The following ORC4 variants were observed in gnomAD, a reference collection of about 807,000 sequenced individuals.
ORC4 encodes the protein origin recognition complex, subunit 4 homolog.
ORC4 carries 55 observed loss-of-function variants against 63.9 expected under a neutral mutation model. The ratio of observed to expected loss-of-function variants is 0.86; its 90% CI spans 0.69 to 1.08. The LOEUF (loss-of-function observed/expected upper bound fraction) is 1.08, where lower values mean the gene tolerates loss of function less well. ORC4 is among the 50% of genes least tolerant of loss of function. The probability of loss-of-function intolerance (pLI) is 0.00; values close to 1 mark genes in which losing one functional copy is unlikely to be tolerated. For missense variants in ORC4, 511 were observed against 504.4 expected (o/e 1.01, Z -0.13); for synonymous variants, 150 against 168.5 (o/e 0.89, Z 0.85).
chr2:147,960,813 C>T (rs1294472673), intron 4 of ORC4, among the ~76,000 whole-genome samples: 1 of 152,112 alleles, frequency 6.6e-6, no homozygotes, highest in Non-Finnish European at 1.5e-5. Flanking sequence ...TGCCTGAGCC[C>T]AGGAGGTTGA....
chr2:147,972,956 G>T (rs1200426812), intron 3 of ORC4, 127 bp from the exon 4 acceptor site: 6 of 655,514 alleles, frequency 9.2e-6, no homozygotes, highest in Non-Finnish European at 1.7e-5. Flanking sequence ...TGGGTACTTG[G>T]CCTAGCTTCT....
At chr2:147,958,982 G>GT (rs1283157176) in intron 4 of ORC4, 116 bp from the exon 5 acceptor site, 1 of 574,466 alleles carries the variant, frequency 1.7e-6, no homozygotes, top group Non-Finnish European at 3.1e-6. Flanking sequence ...TCTTTAACAA[G>GT]TAAGTTTTCA....
chr2:148,011,377 T>A (rs981268051), intron 1 of ORC4, among the ~76,000 whole-genome samples: 1 of 152,188 alleles, frequency 6.6e-6, no homozygotes. Context: ...ACAAAGTGTA[T>A]TGTCATTTCA....
Position 147,935,522 on chromosome 2 carries a change from TAGTG to T in ORC4, c.1295_1298del (p.Ser432Ter). ...TCACTGGTTATATTCATAACCAGCTTAGTGAGGATGTTGCCCACTGCCTCACATC... is the reference window on the plus strand; with the variant it reads ...TCACTGGTTATATTCATAACCAGCTTAGGATGTTGCCCACTGCCTCACATC... On this transcript the variant is annotated frameshift_variant, in exon 14 of 14. Coordinates refer to ENST00000392857, the MANE Select transcript of ORC4 (RefSeq NM_181741.4). LOFTEE classifies it high-confidence loss of function. 1 of 1,612,944 alleles carries T rather than the reference TAGTG, an allele frequency of 6.2e-7. No homozygotes were observed. Among genetic ancestry groups the T allele is most frequent in the Non-Finnish European group, 8.5e-7 (1 of 1,178,992 alleles).
At position 147,935,476 on chromosome 2, in the gene ORC4, A is replaced by C. The variant is rs1687997509; in HGVS notation, c.*34T>G. ...GTTTTCCGTTCTCTACAGAAGTATG[A>C]ATGAAATGCCAAAGTTGAAGTCACT... On this transcript the variant is annotated 3_prime_UTR_variant, in exon 14 of 14. Coordinates refer to ENST00000392857, the MANE Select transcript of ORC4 (RefSeq NM_181741.4). 3.3e-6 allele frequency: 5 copies of C among 1,520,034 alleles called. No homozygotes were observed. Among genetic ancestry groups the C allele is most frequent in the South Asian group, 2.2e-5 (2 of 89,030 alleles). 94.2% of individuals were successfully genotyped at this position (1,520,034 alleles called of 1,614,324 possible).
intron 1 of ORC4, among the ~76,000 whole-genome samples, chr2:148,010,764 A>G (rs571122790): frequency 1.3e-5 from 2 of 152,234 alleles, no homozygotes; most frequent in South Asian, 2.1e-4. Flanking sequence ...AAACATTTAA[A>G]GAAGAACTAA....
At chr2:147,950,942 G>C (rs991532818) in intron 8 of ORC4, among the ~76,000 whole-genome samples, 1 of 140,316 alleles carries the variant, frequency 7.1e-6, no homozygotes, top group African/African-American at 2.5e-5. Flanking sequence ...CCCAAAGGAA[G>C]ATTTTTTTTT....
intron 10 of ORC4, among the ~76,000 whole-genome samples, chr2:147,939,735 C>G (rs2105261342): frequency 6.6e-6 from 1 of 152,198 alleles, no homozygotes; most frequent in South Asian, 2.1e-4. Flanking sequence ...CATTTATACT[C>G]AGGAATAACT....
chr2:147,940,071 G>T (rs1321987548), intron 10 of ORC4, among the ~76,000 whole-genome samples: 1 of 152,124 alleles, frequency 6.6e-6, no homozygotes, highest in African/African-American at 2.4e-5. Flanking sequence ...AGAGAGTTTG[G>T]CAATCCTTGT....
chr2:147,981,614 T>C (rs759830983), intron 1 of ORC4, among the ~76,000 whole-genome samples: 5 of 152,196 alleles, frequency 3.3e-5, no homozygotes, highest in Non-Finnish European at 5.9e-5. Context: ...GATATATTAA[T>C]AGGCTTAATT....
intron 8 of ORC4, among the ~76,000 whole-genome samples, chr2:147,949,875 AT>A (rs1261099112): frequency 6.6e-6 from 1 of 152,148 alleles, no homozygotes; most frequent in Non-Finnish European, 1.5e-5. Flanking sequence ...TGTTATAAAG[AT>A]TTTTAAAAGG....
chr2:147,975,812 A>G, intron 2 of ORC4, 90 bp downstream of exon 2: 2 of 829,954 alleles, frequency 2.4e-6, no homozygotes, highest in Non-Finnish European at 4.2e-6. Flanking sequence ...CCTAAATGCT[A>G]AAGGGAAAAT....
chr2:147,943,860 T>A (rs564942656), intron 9 of ORC4, among the ~76,000 whole-genome samples: 2 of 152,154 alleles, frequency 1.3e-5, no homozygotes, highest in Non-Finnish European at 2.9e-5. Flanking sequence ...CATGAGTTAC[T>A]GTACCTAGGG....
At chr2:147,942,885 C>T (rs1228705722) in intron 10 of ORC4, among the ~76,000 whole-genome samples, 3 of 151,978 alleles carry the variant, frequency 2.0e-5, no homozygotes, top group Non-Finnish European at 4.4e-5. Context: ...GTGAGTTCAG[C>T]ATAGACTATA....
In ORC4 at chr2:147,952,894, C is replaced by T. The variant is rs1478835858; in HGVS notation, c.437-370G>A. On this transcript the variant is annotated intron_variant, in intron 7 of 13. Coordinates refer to ENST00000392857, the MANE Select transcript of ORC4 (RefSeq NM_181741.4). ...ATACAAAATTAGTCAGGTGTGGTGG[C>T]GCATGCCTGTAATCCCAGCTACTCG... Among the ~76,000 whole-genome samples, 7 of 151,908 alleles carry T rather than the reference C, an allele frequency of 4.6e-5. No homozygotes were observed. The East Asian group carries it at 7.8e-4, about 17-fold the overall frequency.
In ORC4 at chr2:147,975,974, T is replaced by TC. The variant is rs774619744; in HGVS notation, c.-17dup. 6.8e-7 allele frequency: 1 copy of TC among 1,472,594 alleles called. No homozygotes were observed. 91.2% of individuals were successfully genotyped at this position (1,472,594 alleles called of 1,614,324 possible). A position where few individuals can be genotyped will look rare whatever the true frequency, so the allele number is the denominator to read the frequency against. On this transcript the variant is annotated splice_region_variant and 5_prime_UTR_variant, in exon 2 of 14. Transcript: ENST00000392857. ...GACTGCTCATTTCAACAAATTCAAA[T>TC]CCTTTAAAAAAATTGGCATAAATAT...
At position 147,941,494 on chromosome 2, in the gene ORC4, G is replaced by GA. The variant is rs35443429; in HGVS notation, c.849+1941dup. Among the ~76,000 whole-genome samples, 4 of 150,550 alleles carry GA rather than the reference G, an allele frequency of 2.7e-5. No individual in the cohort carries two copies. The South Asian group carries it at 6.3e-4, about 24-fold the overall frequency. On this transcript the variant is annotated intron_variant, in intron 10 of 13. Coordinates refer to ENST00000392857, the MANE Select transcript of ORC4 (RefSeq NM_181741.4). Reference sequence around the variant, plus strand: ...TCTTTAACACCCACTAGATTGGCAAGAAAAAAAAAGTTTAATTGTAGTATT... The same window carrying GA: ...TCTTTAACACCCACTAGATTGGCAAGAAAAAAAAAAGTTTAATTGTAGTATT...
chr2:147,979,710 A>G (rs1690759331), intron 1 of ORC4, among the ~76,000 whole-genome samples: 1 of 152,166 alleles, frequency 6.6e-6, no homozygotes. Flanking sequence ...TCAAAACAAC[A>G]TGGTTCTGGC....
At chr2:148,019,324 T>G (rs994567461) in intron 1 of ORC4, among the ~76,000 whole-genome samples, 2 of 152,206 alleles carry the variant, frequency 1.3e-5, no homozygotes, top group Non-Finnish European at 2.9e-5. Context: ...GCGCGGTGGC[T>G]CACGCCTGTA....
Sources: gnomAD v4.1 joint callset for allele counts (sites outside exome capture counted in the v4.1 genomes callset) on GRCh38, gnomAD v4.1.1 for gene constraint, MANE v1.5 for transcripts, NCBI Gene and HGNC (gene_info 2026-07-23, HGNC 2026-07-21) for gene names.